CTTNBP2: variants seen among roughly 807,000 people sequenced by gnomAD.
CTTNBP2 encodes the protein cortactin-binding protein 2.
Under a neutral mutation model 156.9 loss-of-function variants are expected in CTTNBP2, and 108 were observed. The observed-to-expected ratio is 0.69, with a 90% CI of 0.59 to 0.81. The LOEUF is 0.81. Among genes scored for constraint, CTTNBP2 ranks in the 30% least tolerant of loss-of-function variants. CTTNBP2 has a pLI of 0.00. For synonymous variants in CTTNBP2, 767 were observed against 751.8 expected, an observed-to-expected ratio of 1.02 and a Z score of -0.33; for missense variants, 1,924 against 2,035.4, an observed-to-expected ratio of 0.95 and a Z score of 1.05.
rs141968468 is a variant in CTTNBP2, at chr7:117,776,015, G to A, written c.2778+1496C>T. Among the ~76,000 whole-genome samples, 34 of 152,242 alleles carry A rather than the reference G, an allele frequency of 2.2e-4. No homozygotes were observed. The East Asian group carries it at 6.6e-3, about 29-fold the overall frequency. On this transcript the variant is annotated intron_variant, in intron 8 of 22. Transcript: ENST00000160373. ...GATGAACAGCTTCTGCTAAGATCACGATAACAGGAAGTTACCCAACCAGGA... is the reference window on the plus strand; with the variant it reads ...GATGAACAGCTTCTGCTAAGATCACAATAACAGGAAGTTACCCAACCAGGA...
intron 2 of CTTNBP2, among the ~76,000 whole-genome samples, chr7:117,815,155 T>C (rs1041747663): frequency 6.6e-6 from 1 of 152,222 alleles, no homozygotes; most frequent in Non-Finnish European, 1.5e-5. Context: ...TCTTGTCTTA[T>C]AGCAAGGGTT....
chr7:117,764,192 CACTT>C (rs1243829767), intron 9 of CTTNBP2, among the ~76,000 whole-genome samples: 2 of 152,196 alleles, frequency 1.3e-5, no homozygotes, highest in African/African-American at 4.8e-5. Flanking sequence ...CTTACTTCCT[CACTT>C]ACAATCGTTC....
At chr7:117,864,982 AT>A (rs1374047678) in intron 1 of CTTNBP2, among the ~76,000 whole-genome samples, 1 of 147,764 alleles carries the variant, frequency 6.8e-6, no homozygotes, top group African/African-American at 2.5e-5. Flanking sequence ...ATTCATATAT[AT>A]TCATATATAT....
At chr7:117,720,440 A>G (rs912074780) in intron 20 of CTTNBP2, among the ~76,000 whole-genome samples, 1 of 152,228 alleles carries the variant, frequency 6.6e-6, no homozygotes, top group Non-Finnish European at 1.5e-5. Flanking sequence ...TCACGCCTGT[A>G]ATCCCAGCAC....
chr7:117,812,309 GT>G (rs1461601532), intron 2 of CTTNBP2, among the ~76,000 whole-genome samples: 1 of 151,972 alleles, frequency 6.6e-6, no homozygotes. Flanking sequence ...GTCACTGCCA[GT>G]AAAAAAATTA....
chr7:117,748,801 T>C (rs903740212), intron 12 of CTTNBP2, among the ~76,000 whole-genome samples: 1 of 152,214 alleles, frequency 6.6e-6, no homozygotes, highest in Admixed American at 6.5e-5. Flanking sequence ...AATGTTTGTG[T>C]TGCTTCCCCT....
At chr7:117,783,474 C>T (rs967022813) in intron 5 of CTTNBP2, among the ~76,000 whole-genome samples, 8 of 152,122 alleles carry the variant, frequency 5.3e-5, no homozygotes, top group East Asian at 1.9e-4. Flanking sequence ...GACAGCCCAT[C>T]GAAAGTCACC....
At chr7:117,844,423 A>G (rs761403958) in intron 2 of CTTNBP2, among the ~76,000 whole-genome samples, 18 of 152,174 alleles carry the variant, frequency 1.2e-4, no homozygotes, top group Non-Finnish European at 2.2e-4. Context: ...AGATGTACAG[A>G]GAGACAGGAT....
intron 16 of CTTNBP2, among the ~76,000 whole-genome samples, chr7:117,733,638 A>C (rs780254562): frequency 6.6e-5 from 10 of 152,216 alleles, no homozygotes; most frequent in Non-Finnish European, 1.3e-4. Flanking sequence ...CATAATATTT[A>C]TGACCAAGTA....
In CTTNBP2 at chr7:117,791,657, G is replaced by A. The variant is rs756086226; in HGVS notation, c.1539C>T (p.Pro513=). ...GGTGGGTGCCAACATCCCCTGTTGG[G>A]GGCACTCCAGGCCTTGAGGGAGCAC... ...QAGAPSRPGV[P]PTGDVGTHPP... is the part of the protein sequence containing the mutation. Residue 513 remains proline (P), a synonymous_variant, in exon 4 of 23, where the codon CCC becomes CCT. Transcript: ENST00000160373. The A allele has an allele frequency of 1.9e-6, 3 of 1,614,116 alleles. No homozygotes were observed. The highest frequency in any genetic ancestry group is 3.3e-5 in the Admixed American group (2 of 60,020).
intron 2 of CTTNBP2, among the ~76,000 whole-genome samples, chr7:117,825,241 G>T (rs973990794): frequency 6.6e-6 from 1 of 152,120 alleles, no homozygotes; most frequent in African/African-American, 2.4e-5. Context: ...CAGTCTCTTT[G>T]GCTGTGTCTC....
chr7:117,735,139 G>C (rs1276406643), intron 15 of CTTNBP2, 39 bp from the exon 16 acceptor site: 2 of 1,599,808 alleles, frequency 1.3e-6, no homozygotes, highest in East Asian at 4.5e-5. Flanking sequence ...TCCTCAGTGA[G>C]TTATGTTATG....
intron 2 of CTTNBP2, among the ~76,000 whole-genome samples, chr7:117,815,064 T>C (rs1007597035): frequency 2.0e-5 from 3 of 152,234 alleles, no homozygotes; most frequent in African/African-American, 7.2e-5. Flanking sequence ...TTTTCAGAGA[T>C]GCCAGGTAAT....
chr7:117,817,896 T>C (rs1216093175), intron 2 of CTTNBP2, among the ~76,000 whole-genome samples: 1 of 152,186 alleles, frequency 6.6e-6, no homozygotes, highest in African/African-American at 2.4e-5. Flanking sequence ...CTTGCTTGCC[T>C]AAGGTCACTT....
chr7:117,717,744 G>GAAAAAAAAAA (rs139772053), intron 22 of CTTNBP2, among the ~76,000 whole-genome samples: 1 of 127,776 alleles, frequency 7.8e-6, no homozygotes, highest in African/African-American at 2.7e-5. Context: ...CATATAAAAT[G>GAAAAAAAAAA]AAAAAAAAAA....
chr7:117,735,274 T>C lies in CTTNBP2; in HGVS notation c.3683A>G (p.Gln1228Arg). The change falls in exon 15 of 23, where the codon CAA becomes CGA. Residue 1228 changes from glutamine to arginine, a missense_variant. Transcript: ENST00000160373. ...NRSTESPCTF[Q>R]KGNGLSECYY... is the part of the protein sequence containing the mutation. ...GGTCCCTTTATTAGCGTTACCTTTT[T>C]GGAAAGTGCAGGGGCTTTCAGTGCT... 6.2e-7 allele frequency: 1 copy of C among 1,612,638 alleles called. No individual in the cohort carries two copies. Among genetic ancestry groups the C allele is most frequent in the Non-Finnish European group, 8.5e-7 (1 of 1,179,760 alleles).
At chr7:117,720,487 A>G (rs1794721705) in intron 20 of CTTNBP2, among the ~76,000 whole-genome samples, 1 of 152,120 alleles carries the variant, frequency 6.6e-6, no homozygotes, top group African/African-American at 2.4e-5. Flanking sequence ...CAAGGTCAGG[A>G]GTTCGAAACC....
chr7:117,780,514 G>A lies in CTTNBP2; in HGVS notation c.2450C>T (p.Ala817Val). 6.3e-7 allele frequency: 1 copy of A among 1,598,250 alleles called. No homozygotes were observed. Among genetic ancestry groups the A allele is most frequent in the Non-Finnish European group, 8.5e-7 (1 of 1,171,314 alleles). ...ACATTCTTTATTTCCATTTTTACAG[G>A]CCAGGTATAGAGGTGTCTGTCCTCC... is the stretch of plus-strand genomic sequence containing the variant. ...ADGGQTPLYL[A>V]CKNGNKECIK... The change falls in exon 7 of 23, where the codon GCC becomes GTC. Residue 817 changes from alanine (A) to valine (V), a missense_variant. Ala to Val is a moderately conservative substitution (Grantham distance 64). Coordinates refer to ENST00000160373, the MANE Select transcript of CTTNBP2 (RefSeq NM_033427.3).
intron 22 of CTTNBP2, among the ~76,000 whole-genome samples, chr7:117,717,724 C>CTAGT (rs1794509257): frequency 6.7e-6 from 1 of 148,154 alleles, no homozygotes; most frequent in Admixed American, 6.7e-5. Flanking sequence ...TACAATATTT[C>CTAGT]TAGTTTTGTC....
Sources: allele counts gnomAD v4.1 joint callset (sites outside exome capture counted in the v4.1 genomes callset), GRCh38; gene constraint gnomAD v4.1.1; transcripts MANE v1.5; gene names NCBI Gene and HGNC (gene_info 2026-07-23, HGNC 2026-07-21).